The following COL28A1 variants were observed in gnomAD, a reference collection of about 807,000 sequenced individuals.
The protein encoded by COL28A1 is collagen type XXVIII alpha 1 chain.
COL28A1 carries 161 observed loss-of-function variants against 150.2 expected under a neutral mutation model. The ratio of observed to expected loss-of-function variants is 1.07; its 90% CI spans 0.94 to 1.22. The LOEUF (loss-of-function observed/expected upper bound fraction) is 1.22, where lower values mean the gene tolerates loss of function less well. Ranked by LOEUF, COL28A1 falls within the 50% of genes most tolerant of loss-of-function variation. COL28A1 has a pLI of 0.00. For missense variants in COL28A1, 1,617 were observed against 1,388.3 expected, an observed-to-expected ratio of 1.16 and a Z score of -2.62; for synonymous variants, 552 against 469.7, an observed-to-expected ratio of 1.18 and a Z score of -2.26.
intron 3 of COL28A1, among the ~76,000 whole-genome samples, chr7:7,527,427 G>A (rs1782088343): frequency 6.6e-6 from 1 of 152,198 alleles, no homozygotes; most frequent in Admixed American, 6.5e-5. Flanking sequence ...TGTCAAAGTT[G>A]ATGAGGAAAA....
intron 13 of COL28A1, among the ~76,000 whole-genome samples, chr7:7,478,527 T>C (rs1789111945): frequency 6.6e-6 from 1 of 152,232 alleles, no homozygotes; most frequent in African/African-American, 2.4e-5. Context: ...TGCCTGCCAG[T>C]CCCAGGCCCT....
intron 11 of COL28A1, among the ~76,000 whole-genome samples, chr7:7,495,850 ATCTGAGTAAAACCT>A (rs1780181323): frequency 1.3e-5 from 2 of 152,262 alleles, no homozygotes; most frequent in Admixed American, 6.5e-5. Flanking sequence ...TTTAATTTTA[ATCTGAGTAAAACCT>A]TCTGAGGCCT....
Position 7,381,537 on chromosome 7 carries a change from CACTT to C in COL28A1, c.2205+3_2205+6del, listed in dbSNP as rs1562507881. On this transcript the variant is annotated splice_donor_5th_base_variant and intron_variant, in intron 28 of 34. Transcript: ENST00000399429. Reference sequence around the variant, plus strand: ...TAAGCATTTCTCTAAGATCCTGAGACACTTACCTTCTGGCCTGGGAGGCCATGGC... The same window carrying C: ...TAAGCATTTCTCTAAGATCCTGAGACACCTTCTGGCCTGGGAGGCCATGGC... 3 of 1,610,402 alleles carry C rather than the reference CACTT, an allele frequency of 1.9e-6. No individual in the cohort carries two copies. Among genetic ancestry groups the C allele is most frequent in the Non-Finnish European group, 2.5e-6 (3 of 1,176,970 alleles).
rs1303040846 is a variant in COL28A1 at position 7,373,550 on chromosome 7, A to G, written c.2360-4T>C. 5.0e-6 allele frequency: 8 copies of G among 1,604,040 alleles called. No individual in the cohort carries two copies. The highest frequency in any genetic ancestry group is 6.8e-6 in the Non-Finnish European group (8 of 1,175,040). ...TCTTTGCATTTGGGCCCACAACCTA[A>G]AAGATGAATGTTGAGAGAGAAAAAT... On this transcript the variant is annotated splice_polypyrimidine_tract_variant and splice_region_variant and intron_variant, in intron 31 of 34. Transcript: ENST00000399429. This position sits in a 1 kb window ranked among gnomAD's most constrained non-coding sequence, Gnocchi z 4.1.
At chr7:7,495,647 C>G (rs1228035111) in intron 11 of COL28A1, among the ~76,000 whole-genome samples, 3 of 152,114 alleles carry the variant, frequency 2.0e-5, no homozygotes, top group African/African-American at 4.8e-5. Context: ...GCAACGCATC[C>G]CAACACCTAT....
intron 19 of COL28A1, 141 bp downstream of exon 19, chr7:7,444,277 A>C (rs1244853453): frequency 1.8e-6 from 2 of 1,119,548 alleles, no homozygotes; most frequent in Admixed American, 5.1e-5. Context: ...AGAAGTGGAA[A>C]GGGACATTTG....
Position 7,447,010 on chromosome 7 carries a change from T to C in COL28A1, c.1510-2521A>G, listed in dbSNP as rs1419454810. Among the ~76,000 whole-genome samples, 4 of 152,120 alleles carry C rather than the reference T, an allele frequency of 2.6e-5. 1 individual carries two copies. ...CTTAAAGGATTAGAGAGAACTGACA[T>C]TGAACCAGGAATAGTGCCTATTTCT... On this transcript the variant is annotated intron_variant, in intron 18 of 34. Coordinates refer to ENST00000399429, the MANE Select transcript of COL28A1 (RefSeq NM_001037763.3).
At chr7:7,512,629 G>C (rs989246992) in intron 8 of COL28A1, among the ~76,000 whole-genome samples, 12 of 152,188 alleles carry the variant, frequency 7.9e-5, no homozygotes, top group Non-Finnish European at 1.3e-4. Context: ...AAAGGTGACA[G>C]TCAGAAAAAT....
rs1351138043 is a variant in COL28A1, at chr7:7,497,082, AAAGGAAGGAAGAAAGG to A, written c.1027-6452_1027-6437del. On this transcript the variant is annotated intron_variant, in intron 11 of 34. Transcript: ENST00000399429. ...GGGAAGAAGGAAGAAAGGAAGGAAG[AAAGGAAGGAAGAAAGG>A]AAGGAAGGAAGGAAGGAAGGAAGGA... Among the ~76,000 whole-genome samples, 170 of 120,770 alleles carry A rather than the reference AAAGGAAGGAAGAAAGG, an allele frequency of 1.4e-3. 1 individual carries two copies. The highest frequency in any genetic ancestry group is 4.6e-3 in the African/African-American group (157 of 33,966). 79.2% of individuals were successfully genotyped at this position (120,770 alleles called of 152,430 possible).
chr7:7,427,592 A>AG lies in COL28A1; in HGVS notation c.1998+4880dup, dbSNP rs1784718585. On this transcript the variant is annotated intron_variant, in intron 25 of 34. Coordinates refer to ENST00000399429, the MANE Select transcript of COL28A1 (RefSeq NM_001037763.3). ...ATATGTGAGCCATTGCAGAGAACAG[A>AG]GGGGCAATTCAGATGCTGGGAACAT... is the stretch of plus-strand genomic sequence containing the variant. Among the ~76,000 whole-genome samples the AG allele has an allele frequency of 2.6e-5, 4 of 152,310 alleles. No individual in the cohort carries two copies. The South Asian group carries it at 8.3e-4, about 32-fold the overall frequency.
intron 22 of COL28A1, among the ~76,000 whole-genome samples, chr7:7,436,809 G>T (rs2128317053): frequency 6.6e-6 from 1 of 152,332 alleles, no homozygotes; most frequent in Non-Finnish European, 1.5e-5. Flanking sequence ...GGAGGCCAAG[G>T]CAGGCGGGTC....
intron 23 of COL28A1, among the ~76,000 whole-genome samples, chr7:7,434,938 A>T (rs535750747): frequency 1.3e-5 from 2 of 152,314 alleles, no homozygotes; most frequent in East Asian, 3.9e-4. Flanking sequence ...GAGACCCCTG[A>T]AGTATTACAT....
chr7:7,511,791 T>G (rs1338241979), intron 8 of COL28A1: 5 of 471,128 alleles, frequency 1.1e-5, no homozygotes. Flanking sequence ...GCAGCAAGCA[T>G]GCTACATATT....
intron 21 of COL28A1, among the ~76,000 whole-genome samples, chr7:7,439,239 A>C (rs1456295339): frequency 6.6e-6 from 1 of 152,222 alleles, no homozygotes; most frequent in Non-Finnish European, 1.5e-5. Context: ...TAGCCAATAC[A>C]ACCAACAAGC....
At chr7:7,365,370 A>C (rs1413753660) in intron 33 of COL28A1, among the ~76,000 whole-genome samples, 3 of 152,202 alleles carry the variant, frequency 2.0e-5, no homozygotes, top group African/African-American at 7.2e-5. Flanking sequence ...CAGGGACACC[A>C]TAGTAAAAGG....
At chr7:7,426,963 C>T (rs1246530011) in intron 25 of COL28A1, among the ~76,000 whole-genome samples, 7 of 152,138 alleles carry the variant, frequency 4.6e-5, no homozygotes, top group Admixed American at 3.3e-4. Context: ...GGAGAAAGTT[C>T]CTCCAAGTCT....
At chr7:7,394,820 T>C (rs374748929) in intron 27 of COL28A1, among the ~76,000 whole-genome samples, 1 of 152,236 alleles carries the variant, frequency 6.6e-6, no homozygotes, top group Admixed American at 6.5e-5. Flanking sequence ...TGTCATCTCA[T>C]AGGTAATAAT....
intron 7 of COL28A1, 35 bp from the exon 8 acceptor site, chr7:7,515,875 T>A (rs781741104): frequency 1.0e-5 from 9 of 868,288 alleles, no homozygotes; most frequent in African/African-American, 4.9e-5. Context: ...TAAAATATGA[T>A]ACTCTGAGGC....
At chr7:7,384,735 C>G (rs1454116832) in intron 27 of COL28A1, among the ~76,000 whole-genome samples, 4 of 152,140 alleles carry the variant, frequency 2.6e-5, no homozygotes, top group African/African-American at 9.7e-5. Context: ...CACCAGGAAA[C>G]TTGATATCAT....
Sources: allele counts gnomAD v4.1 joint callset (sites outside exome capture counted in the v4.1 genomes callset), GRCh38; gene constraint gnomAD v4.1.1; non-coding constraint Gnocchi (gnomAD v3.1); transcripts MANE v1.5; gene names NCBI Gene and HGNC (gene_info 2026-07-23, HGNC 2026-07-21).